Variants in PRKAG3 observed in about 807,000 individuals in gnomAD.
PRKAG3 encodes the protein 5'-AMP-activated protein kinase subunit gamma-3.
A neutral mutation model predicts 56.5 loss-of-function variants in PRKAG3; 39 were observed. That is an observed-to-expected ratio of 0.69 (90% CI 0.53 to 0.90). PRKAG3 has a LOEUF of 0.90. Among genes scored for constraint, PRKAG3 ranks in the 40% least tolerant of loss-of-function variants. The pLI is 0.00. For missense variants in PRKAG3, 628 were observed against 627.5 expected (o/e 1.00, Z -0.01); for synonymous variants, 243 against 250.1 (o/e 0.97, Z 0.27).
Position 218,827,141 on chromosome 2 carries a change from A to AGAGGGCTCCCAGCTCT in PRKAG3, c.1003-64_1003-49dup. 1 of 1,612,762 alleles carries AGAGGGCTCCCAGCTCT rather than the reference A, an allele frequency of 6.2e-7. No homozygotes were observed. The highest frequency in any genetic ancestry group is 8.5e-7 in the Non-Finnish European group (1 of 1,179,884). ...GGAGATCAGGGATCCAGCAGCTTCA[A>AGAGGGCTCCCAGCTCT]GAGGGCTCCCAGCTCTTCCCCACGA... On this transcript the variant is annotated intron_variant, in intron 9 of 12. Coordinates refer to ENST00000529249, the Ensembl canonical transcript of PRKAG3. The surrounding 1 kb of genome is among the most constrained non-coding windows in gnomAD (Gnocchi z 5.3).
chr2:218,824,504 TC>T, intron 11 of PRKAG3, 34 bp downstream of exon 11: 1 of 1,600,346 alleles, frequency 6.2e-7, no homozygotes, highest in Non-Finnish European at 8.6e-7. Context: ...ACCCTTAGCC[TC>T]CCTGCAGCAT....
exon 13 of PRKAG3, chr2:218,823,680 G>T: frequency 1.2e-6 from 2 of 1,605,480 alleles, no homozygotes; most frequent in Non-Finnish European, 1.7e-6. Context: ...TGGGGGTGGG[G>T]GAAGATGAAG....
chr2:218,827,258 G>C lies in PRKAG3; in HGVS notation c.991C>G (p.Leu331Val), dbSNP rs747360681. The change falls in exon 9 of 13, where the codon CTG becomes GTG. Residue 331 changes from leucine (L) to valine (V), a missense_variant. Transcript: ENST00000529249. This position sits in a 1 kb window ranked among gnomAD's most constrained non-coding sequence, Gnocchi z 5.3. ...GGGCCCAGGCTTACAAAGATGTGCA[G>C]GAACTTGAGCAGGCGTTTGTGTGTG... 5 of 1,614,194 alleles carry C rather than the reference G, an allele frequency of 3.1e-6. No individual in the cohort carries two copies. The highest frequency in any genetic ancestry group is 1.3e-5 in the African/African-American group (1 of 75,046).
chr2:218,827,813 G>T lies in PRKAG3; in HGVS notation c.820+20C>A, dbSNP rs754670730. On this transcript the variant is annotated intron_variant, in intron 7 of 12. Transcript: ENST00000529249. The surrounding 1 kb of genome is among the most constrained non-coding windows in gnomAD (Gnocchi z 5.3). The stretch of plus-strand genomic sequence containing the variant: ...CCCACCATCACCAACAGCCCTTTCC[G>T]GGTTCCTCTCCCCACTCACCCCTCC... 6.2e-7 allele frequency: 1 copy of T among 1,611,180 alleles called. No homozygotes were observed. Among genetic ancestry groups the T allele is most frequent in the Non-Finnish European group, 8.5e-7 (1 of 1,178,228 alleles).
At chr2:218,824,431 T>C in intron 11 of PRKAG3, 63 bp from the exon 12 acceptor site, 1 of 1,612,810 alleles carries the variant, frequency 6.2e-7, no homozygotes, top group Non-Finnish European at 8.5e-7. Flanking sequence ...ACCCTACAGA[T>C]GTCAACCCCT....
At position 218,830,012 on chromosome 2, in the gene PRKAG3, C is replaced by T. The variant is rs760474642; in HGVS notation, c.599G>A (p.Ser200Asn). ...GGTGTCGAAGATGACTAGCTTGGAGCTAGTTGCCATGGCATCGTAGCAGGT... is the reference window on the plus strand; with the variant it reads ...GGTGTCGAAGATGACTAGCTTGGAGTTAGTTGCCATGGCATCGTAGCAGGT... The change falls in exon 4 of 13, where the codon AGC becomes AAC. Residue 200 changes from serine (S) to asparagine (N), a missense_variant. Physicochemically the swap from Ser to Asn is conservative, Grantham distance 46. Coordinates refer to ENST00000529249, the Ensembl canonical transcript of PRKAG3. 2.5e-6 allele frequency: 4 copies of T among 1,613,972 alleles called. No individual in the cohort carries two copies. In the South Asian group the frequency reaches 4.4e-5, roughly 18 times the overall value.
intron 4 of PRKAG3, 115 bp from the exon 5 acceptor site, chr2:218,828,715 G>C (rs1943974514): frequency 3.5e-6 from 3 of 862,218 alleles, no homozygotes; most frequent in Non-Finnish European, 5.3e-6. Context: ...CCCACCCAGG[G>C]TTCTTCCATG....
In PRKAG3 at chr2:218,827,828, C is replaced by T; in HGVS notation, c.820+5G>A. ...AGCCCTTTCCGGGTTCCTCTCCCCACTCACCCCTCCAGGTCTCAATCTTAT... is the reference window on the plus strand; with the variant it reads ...AGCCCTTTCCGGGTTCCTCTCCCCATTCACCCCTCCAGGTCTCAATCTTAT... On this transcript the variant is annotated splice_donor_5th_base_variant and intron_variant, in intron 7 of 12. Transcript: ENST00000529249. The surrounding 1 kb of genome is among the most constrained non-coding windows in gnomAD (Gnocchi z 5.3). The T allele has an allele frequency of 6.2e-7, 1 of 1,613,868 alleles. No homozygotes were observed.
chr2:218,828,648 A>C (rs1575212494), intron 4 of PRKAG3, 48 bp from the exon 5 acceptor site: 3 of 1,513,954 alleles, frequency 2.0e-6, no homozygotes, highest in South Asian at 2.4e-5. Context: ...AGAGACCCTC[A>C]CCCCCCTCTC....
At chr2:218,822,779 G>T, downstream of PRKAG3, 1 of 683,632 alleles carries the variant, frequency 1.5e-6, no homozygotes, top group Non-Finnish European at 1.8e-6. Context: ...ACGTTGCTGG[G>T]AACAACAGCT....
chr2:218,827,260 A>G lies in PRKAG3; in HGVS notation c.989T>C (p.Phe330Ser). The G allele has an allele frequency of 1.9e-6, 3 of 1,614,156 alleles. No homozygotes were observed. The highest frequency in any genetic ancestry group is 2.5e-6 in the Non-Finnish European group (3 of 1,180,026). The stretch of plus-strand genomic sequence containing the variant: ...GCCCAGGCTTACAAAGATGTGCAGG[A>G]ACTTGAGCAGGCGTTTGTGTGTGAG... Residue 330 changes from phenylalanine to serine, a missense_variant, in exon 9 of 13, where the codon TTC (phenylalanine) becomes TCC (serine). Phe to Ser is a radical substitution (Grantham distance 155, BLOSUM62 -2). Coordinates refer to ENST00000529249, the Ensembl canonical transcript of PRKAG3. The surrounding 1 kb of genome is among the most constrained non-coding windows in gnomAD (Gnocchi z 5.3).
In PRKAG3 at chr2:218,827,295, T is replaced by C; in HGVS notation, c.954A>G (p.Val318=). Reference sequence around the variant, plus strand: ...GGCGTTTGTGTGTGAGGATGTGGAGTACGTTGCCTGACACCGGGTCAAGAA... The same window carrying C: ...GGCGTTTGTGTGTGAGGATGTGGAGCACGTTGCCTGACACCGGGTCAAGAA... The change falls in exon 9 of 13, where the codon GTA becomes GTG. Residue 318 remains valine (V), a synonymous_variant. Transcript: ENST00000529249. This position sits in a 1 kb window ranked among gnomAD's most constrained non-coding sequence, Gnocchi z 5.3. 1 of 1,613,954 alleles carries C rather than the reference T, an allele frequency of 6.2e-7. No homozygotes were observed.
intron 4 of PRKAG3, among the ~76,000 whole-genome samples, chr2:218,829,127 G>T (rs561273624): frequency 1.3e-5 from 2 of 151,996 alleles, no homozygotes; most frequent in East Asian, 1.9e-4. Context: ...ATTTTTTCAC[G>T]AACCATTAGA....
intron 10 of PRKAG3, among the ~76,000 whole-genome samples, chr2:218,825,321 G>A (rs1445982561): frequency 2.6e-4 from 37 of 141,982 alleles, no homozygotes; most frequent in African/African-American, 9.2e-4. Flanking sequence ...AGGCGACAGA[G>A]CAAGACTCTG....
chr2:218,830,933 A>G, intron 2 of PRKAG3, 32 bp from the exon 3 acceptor site: 1 of 1,605,634 alleles, frequency 6.2e-7, no homozygotes, highest in South Asian at 1.1e-5. Flanking sequence ...TTTGGTTAAT[A>G]GGGAGTAATG....
chr2:218,823,139 G>A, downstream of PRKAG3: 8 of 854,044 alleles, frequency 9.4e-6, no homozygotes, highest in Non-Finnish European at 1.1e-5. Context: ...TTTCCAACAG[G>A]GGACCCTTGC....
At chr2:218,823,943 TG>T in intron 12 of PRKAG3, 65 bp from the exon 13 acceptor site, 1 of 1,510,968 alleles carries the variant, frequency 6.6e-7, no homozygotes, top group Non-Finnish European at 9.2e-7. Context: ...CTGAGGTTGG[TG>T]CCAAGAATCA....
exon 11 of PRKAG3, chr2:218,824,569 G>C: frequency 1.8e-5 from 29 of 1,612,058 alleles, no homozygotes; most frequent in Non-Finnish European, 2.5e-5. Context: ...AGAGGCCCAC[G>C]ACCTGACCTG....
exon 4 of PRKAG3, chr2:218,830,081 C>A: frequency 6.2e-7 from 1 of 1,612,730 alleles, no homozygotes; most frequent in Admixed American, 1.7e-5. Context: ...GCCGGGTTTC[C>A]GCAGTTCGTC....
Sources: allele counts gnomAD v4.1 joint callset (sites outside exome capture counted in the v4.1 genomes callset), GRCh38; gene constraint gnomAD v4.1.1; non-coding constraint Gnocchi (gnomAD v3.1); transcripts MANE v1.5; gene names NCBI Gene and HGNC (gene_info 2026-07-23, HGNC 2026-07-21).